The following NCK2 variants were observed in gnomAD, a reference collection of about 807,000 sequenced individuals.
NCK2 encodes cytoplasmic protein NCK2.
A neutral mutation model predicts 33.9 loss-of-function variants in NCK2; 16 were observed. The observed-to-expected ratio is 0.47, with a 90% CI of 0.32 to 0.72. NCK2 has a LOEUF of 0.72. Among genes scored for constraint, NCK2 ranks in the 30% least tolerant of loss-of-function variants. The pLI, the probability that NCK2 is intolerant of heterozygous loss-of-function variation, is 0.03. For synonymous variants in NCK2, 273 were observed against 239.9 expected (o/e 1.14, Z -1.27); for missense variants, 418 against 537.3 (o/e 0.78, Z 2.19).
intron 1 of NCK2, among the ~76,000 whole-genome samples, chr2:105,757,495 C>T (rs889666594): frequency 6.6e-6 from 1 of 152,180 alleles, no homozygotes; most frequent in Admixed American, 6.5e-5. Context: ...CGTTGTTCAT[C>T]CTGCCACCGA....
At chr2:105,870,914 A>C (rs141298358) in intron 3 of NCK2, among the ~76,000 whole-genome samples, 1 of 152,152 alleles carries the variant, frequency 6.6e-6, no homozygotes, top group African/African-American at 2.4e-5. Flanking sequence ...CGGGTGTGTG[A>C]GTGCCCAGCA....
intron 2 of NCK2, among the ~76,000 whole-genome samples, chr2:105,839,533 TA>T (rs1676555034): frequency 1.3e-5 from 2 of 152,208 alleles, no homozygotes; most frequent in Non-Finnish European, 2.9e-5. Flanking sequence ...AATGGTTGTC[TA>T]ATACCCACTT....
intron 2 of NCK2, among the ~76,000 whole-genome samples, chr2:105,819,787 T>G (rs538715905): frequency 1.3e-5 from 2 of 152,362 alleles, no homozygotes; most frequent in South Asian, 4.1e-4. Context: ...CTATTAAAAT[T>G]TACTTTTGTG....
At chr2:105,833,447 A>C (rs932889297) in intron 2 of NCK2, among the ~76,000 whole-genome samples, 10 of 152,010 alleles carry the variant, frequency 6.6e-5, no homozygotes, top group African/African-American at 2.4e-4. Context: ...CTAAGAATTT[A>C]CTTGTTTTCC....
At chr2:105,839,541 A>G (rs1279462064) in intron 2 of NCK2, among the ~76,000 whole-genome samples, 2 of 152,328 alleles carry the variant, frequency 1.3e-5, no homozygotes, top group African/African-American at 2.4e-5. Context: ...TCTAATACCC[A>G]CTTACTCAGA....
At chr2:105,762,185 G>A (rs993504461) in intron 1 of NCK2, among the ~76,000 whole-genome samples, 1 of 152,190 alleles carries the variant, frequency 6.6e-6, no homozygotes, top group Non-Finnish European at 1.5e-5. Context: ...CACAGTTTCT[G>A]TGCGTAAGAG....
intron 2 of NCK2, among the ~76,000 whole-genome samples, chr2:105,828,236 A>G (rs568851525): frequency 2.0e-5 from 3 of 152,336 alleles, no homozygotes; most frequent in East Asian, 1.9e-4. Flanking sequence ...TGGAAATAGG[A>G]GAGGGGCCAG....
chr2:105,745,437 C>T (rs1480528436), intron 1 of NCK2, among the ~76,000 whole-genome samples: 1 of 151,864 alleles, frequency 6.6e-6, no homozygotes, highest in African/African-American at 2.4e-5. Flanking sequence ...AGGATCAGGG[C>T]AGGGGGCCCG....
intron 1 of NCK2, among the ~76,000 whole-genome samples, chr2:105,786,975 C>T (rs1207146153): frequency 6.6e-6 from 1 of 152,226 alleles, no homozygotes; most frequent in African/African-American, 2.4e-5. Context: ...GGCGTGGTGC[C>T]GCACAGGTGC....
At chr2:105,749,019 G>A (rs1689372952) in intron 1 of NCK2, among the ~76,000 whole-genome samples, 1 of 152,180 alleles carries the variant, frequency 6.6e-6, no homozygotes, top group Non-Finnish European at 1.5e-5. Context: ...TTTCTGTCAT[G>A]TGAGTCATTT....
intron 1 of NCK2, among the ~76,000 whole-genome samples, chr2:105,789,137 C>T (rs1178869104): frequency 6.6e-6 from 1 of 152,092 alleles, no homozygotes; most frequent in Admixed American, 6.6e-5. Context: ...GCTCCCATAG[C>T]GGGTGTGAGA....
intron 4 of NCK2, among the ~76,000 whole-genome samples, chr2:105,891,000 T>G (rs1678948221): frequency 6.6e-6 from 1 of 152,210 alleles, no homozygotes; most frequent in Non-Finnish European, 1.5e-5. Context: ...AGGAAGAATT[T>G]CGGATGTTAG....
intron 1 of NCK2, among the ~76,000 whole-genome samples, chr2:105,753,223 G>A (rs952016991): frequency 6.6e-6 from 1 of 152,216 alleles, no homozygotes; most frequent in African/African-American, 2.4e-5. Flanking sequence ...TTCTGGGAAC[G>A]CCTTATCAGC....
At chr2:105,826,631 G>A (rs899831502) in intron 2 of NCK2, among the ~76,000 whole-genome samples, 1 of 152,134 alleles carries the variant, frequency 6.6e-6, no homozygotes, top group African/African-American at 2.4e-5. Context: ...GCATGGTAAA[G>A]GGCTCTGGAT....
intron 1 of NCK2, among the ~76,000 whole-genome samples, chr2:105,801,827 G>A (rs1674852055): frequency 6.6e-6 from 1 of 152,084 alleles, no homozygotes; most frequent in Non-Finnish European, 1.5e-5. Flanking sequence ...GACTTTACAG[G>A]GCGCTTTTTA....
At position 105,757,272 on chromosome 2, in the gene NCK2, G is replaced by T. The variant is rs1295878338; in HGVS notation, c.-201+12134G>T. On this transcript the variant is annotated intron_variant, in intron 1 of 4. Transcript: ENST00000233154. ...TGTTTTGTCTTCTGTGAAACTAGGG[G>T]TTGCCTGTAATGTACTTTCACAACC... Among the ~76,000 whole-genome samples the T allele has an allele frequency of 3.9e-5, 6 of 152,238 alleles. No individual in the cohort carries two copies. In the East Asian group the frequency reaches 5.8e-4, roughly 15 times the overall value.
chr2:105,744,909 G>A, upstream of NCK2: 1 of 157,092 alleles, frequency 6.4e-6, no homozygotes. Flanking sequence ...CGCGGGGATC[G>A]TCAGGCCGGA....
At chr2:105,889,586 T>A (rs1678884408) in intron 4 of NCK2, among the ~76,000 whole-genome samples, 1 of 151,086 alleles carries the variant, frequency 6.6e-6, no homozygotes, top group Admixed American at 6.6e-5. Context: ...TTTTTTTTTT[T>A]TTTTTTAATT....
chr2:105,808,248 T>A (rs1470584306), intron 1 of NCK2, among the ~76,000 whole-genome samples: 11 of 152,218 alleles, frequency 7.2e-5, no homozygotes, highest in African/African-American at 2.7e-4. Context: ...ATGCTTAAGA[T>A]GATTTTGTAA....
Sources: gnomAD v4.1 joint callset for allele counts (sites outside exome capture counted in the v4.1 genomes callset) on GRCh38, gnomAD v4.1.1 for gene constraint, MANE v1.5 for transcripts, NCBI Gene and HGNC (gene_info 2026-07-23, HGNC 2026-07-21) for gene names.